TENM4: variants seen among roughly 807,000 people sequenced by gnomAD.
TENM4 encodes teneurin transmembrane protein 4.
Under a neutral mutation model 243.3 loss-of-function variants are expected in TENM4, and 82 were observed. The observed-to-expected ratio is 0.34, with a 90% confidence interval of 0.28 to 0.40. The LOEUF (loss-of-function observed/expected upper bound fraction) is 0.40. Among genes scored for constraint, TENM4 ranks in the 10% least tolerant of loss-of-function variants. The pLI, the probability that TENM4 is intolerant of heterozygous loss-of-function variation, is 1.00. For missense variants in TENM4, 3,138 were observed against 3,673.3 expected (o/e 0.85, Z 3.77); for synonymous variants, 1,412 against 1,456.3 (o/e 0.97, Z 0.69).
At chr11:78,909,251 G>T (rs1856128552) in intron 6 of TENM4, among the ~76,000 whole-genome samples, 1 of 152,164 alleles carries the variant, frequency 6.6e-6, no homozygotes, top group South Asian at 2.1e-4. Context: ...TTACACATCA[G>T]CATCATCATC....
intron 3 of TENM4, among the ~76,000 whole-genome samples, chr11:79,210,125 C>T (rs76478528): frequency 2.2e-4 from 34 of 152,288 alleles, no homozygotes; most frequent in African/African-American, 7.7e-4. Flanking sequence ...ATAGGAAGTA[C>T]GGTGTCCTCT....
intron 16 of TENM4, 93 bp downstream of exon 16, chr11:78,786,805 G>A (rs1040029499): frequency 4.5e-5 from 68 of 1,502,180 alleles, no homozygotes; most frequent in Admixed American, 2.8e-4. Flanking sequence ...ATCCCCACAT[G>A]CGATGAGGGC....
intron 2 of TENM4, among the ~76,000 whole-genome samples, chr11:79,258,190 C>T (rs148412432): frequency 1.9e-4 from 29 of 152,204 alleles, no homozygotes; most frequent in Middle Eastern, 3.4e-3. Flanking sequence ...CTATTAGTTA[C>T]GATGATGAGA....
At chr11:79,133,727 C>T (rs181673405) in intron 4 of TENM4, among the ~76,000 whole-genome samples, 8 of 152,032 alleles carry the variant, frequency 5.3e-5, no homozygotes, top group South Asian at 2.1e-4. Context: ...TGCTACACCA[C>T]GTAAACAGAA....
At chr11:78,671,372 C>T (rs940770954) in intron 31 of TENM4, among the ~76,000 whole-genome samples, 1 of 152,218 alleles carries the variant, frequency 6.6e-6, no homozygotes, top group African/African-American at 2.4e-5. Context: ...AGAGCAAGCA[C>T]AGCCTATGCC....
intron 4 of TENM4, among the ~76,000 whole-genome samples, chr11:79,128,111 G>A (rs1390194510): frequency 6.6e-6 from 1 of 152,234 alleles, no homozygotes; most frequent in Non-Finnish European, 1.5e-5. Flanking sequence ...AGATCCAATG[G>A]TGCTTGAGGT....
Position 78,658,499 on chromosome 11 carries a change from T to A in TENM4, c.7869A>T (p.Gly2623=). The A allele has an allele frequency of 6.2e-7, 1 of 1,614,050 alleles. No homozygotes were observed. Among genetic ancestry groups the A allele is most frequent in the Non-Finnish European group, 8.5e-7 (1 of 1,179,900 alleles). ...GVDTHYFVKP[G]PSEGDLAILG... ...GGATGGCCAGGTCACCTTCTGAAGG[T>A]CCTGGTTTCACAAAGTAATGGGTAT... Residue 2623 remains glycine, a synonymous_variant, in exon 34 of 34, where the codon GGA becomes GGT. Transcript: ENST00000278550.
intron 3 of TENM4, among the ~76,000 whole-genome samples, chr11:79,156,258 G>C (rs913574878): frequency 6.6e-6 from 1 of 152,184 alleles, no homozygotes; most frequent in Admixed American, 6.5e-5. Context: ...GACCATTGTA[G>C]CTCCTGCCCA....
At chr11:79,171,849 C>T (rs187553099) in intron 3 of TENM4, among the ~76,000 whole-genome samples, 43 of 152,322 alleles carry the variant, frequency 2.8e-4, no homozygotes, top group Non-Finnish European at 5.1e-4. Context: ...CAAAGCACTT[C>T]CCCAACAATT....
At chr11:79,411,936 C>A (rs1858709627) in intron 1 of TENM4, among the ~76,000 whole-genome samples, 1 of 152,206 alleles carries the variant, frequency 6.6e-6, no homozygotes, top group Non-Finnish European at 1.5e-5. Context: ...TGCTCATCTT[C>A]AAGAGGAAAT....
At chr11:78,762,463 G>C (rs535532728) in intron 18 of TENM4, among the ~76,000 whole-genome samples, 49 of 152,236 alleles carry the variant, frequency 3.2e-4, no homozygotes, top group Non-Finnish European at 6.5e-4. Context: ...GGGATTTGCA[G>C]ATTGGGGTCC....
At chr11:78,989,648 C>T (rs1259360044) in intron 6 of TENM4, among the ~76,000 whole-genome samples, 1 of 152,242 alleles carries the variant, frequency 6.6e-6, no homozygotes, top group Non-Finnish European at 1.5e-5. Context: ...TGCGCTAACT[C>T]ATGGGGGTTT....
chr11:79,076,116 A>G lies in TENM4; in HGVS notation c.-65-6107T>C, dbSNP rs566474101. Among the ~76,000 whole-genome samples, 20 of 152,354 alleles carry G rather than the reference A, an allele frequency of 1.3e-4. 1 individual carries two copies. In the South Asian group the frequency reaches 3.5e-3, roughly 27 times the overall value. ...CCCAGAGGAGAGGAGGGAAGAAGACATATGTGTTGAGCACAGTGCTTTTCA... is the reference window on the plus strand; with the variant it reads ...CCCAGAGGAGAGGAGGGAAGAAGACGTATGTGTTGAGCACAGTGCTTTTCA... On this transcript the variant is annotated intron_variant, in intron 4 of 33. Coordinates refer to ENST00000278550, the MANE Select transcript of TENM4 (RefSeq NM_001098816.3).
chr11:78,966,021 T>C (rs149119568), intron 6 of TENM4, among the ~76,000 whole-genome samples: 2 of 152,132 alleles, frequency 1.3e-5, no homozygotes, highest in African/African-American at 2.4e-5. Context: ...GAAAATGCAC[T>C]GCTGTACCAA....
intron 1 of TENM4, among the ~76,000 whole-genome samples, chr11:79,418,743 G>GTA (rs1256712406): frequency 6.6e-6 from 1 of 152,172 alleles, no homozygotes; most frequent in Admixed American, 6.5e-5. Flanking sequence ...GGTGGCTCTT[G>GTA]TATGTCCCCT....
At chr11:79,228,847 T>C (rs1424058476) in intron 2 of TENM4, among the ~76,000 whole-genome samples, 2 of 152,234 alleles carry the variant, frequency 1.3e-5, no homozygotes, top group African/African-American at 4.8e-5. Context: ...GGTTCATTTG[T>C]TATAATGAAT....
At chr11:79,198,730 A>G (rs1341078174) in intron 3 of TENM4, among the ~76,000 whole-genome samples, 2 of 152,200 alleles carry the variant, frequency 1.3e-5, no homozygotes, top group Non-Finnish European at 2.9e-5. Context: ...ACTCTGTGTC[A>G]GGCACTGAGC....
At chr11:79,242,168 G>A (rs925888980) in intron 2 of TENM4, among the ~76,000 whole-genome samples, 1 of 152,140 alleles carries the variant, frequency 6.6e-6, no homozygotes, top group Non-Finnish European at 1.5e-5. Context: ...GGGCTCAGAT[G>A]CTTTATTTAT....
intron 1 of TENM4, among the ~76,000 whole-genome samples, chr11:79,407,073 G>C (rs1858590089): frequency 6.6e-6 from 1 of 152,162 alleles, no homozygotes; most frequent in African/African-American, 2.4e-5. Context: ...TGGACTAGAA[G>C]TGGCCTGTGT....
Sources: allele counts gnomAD v4.1 joint callset (sites outside exome capture counted in the v4.1 genomes callset), GRCh38; gene constraint gnomAD v4.1.1; transcripts MANE v1.5; gene names NCBI Gene and HGNC (gene_info 2026-07-23, HGNC 2026-07-21).